The following TTC6 variants were observed in gnomAD, a reference collection of about 807,000 sequenced individuals.
TTC6 encodes tetratricopeptide repeat domain 6.
TTC6 carries 172 observed loss-of-function variants against 210.4 expected under a neutral mutation model. The ratio of observed to expected loss-of-function variants is 0.82; its 90% confidence interval spans 0.72 to 0.93. The LOEUF is 0.93. TTC6 is among the 40% of genes least tolerant of loss of function. TTC6 has a pLI of 0.00. For synonymous variants in TTC6, 804 were observed against 819.6 expected, an observed-to-expected ratio of 0.98 and a Z score of 0.32; for missense variants, 2,414 against 2,318.1, an observed-to-expected ratio of 1.04 and a Z score of -0.85.
intron 10 of TTC6, among the ~76,000 whole-genome samples, chr14:37,746,629 A>G (rs913215900): frequency 1.3e-5 from 2 of 152,156 alleles, no homozygotes; most frequent in African/African-American, 4.8e-5. Context: ...GCCAGCAGCC[A>G]CCAACCCAAG....
rs776563122 is a variant in TTC6, at chr14:37,827,385, A to T, written c.5298+19A>T. ...TTCCCAGGTAATGTGAGTTTTACTTAACGCTTTCTTTTTGACCTGGAATGC... is the reference window on the plus strand; with the variant it reads ...TTCCCAGGTAATGTGAGTTTTACTTTACGCTTTCTTTTTGACCTGGAATGC... On this transcript the variant is annotated intron_variant, in intron 29 of 30. Coordinates refer to ENST00000553443, the Ensembl canonical transcript of TTC6. 6.2e-7 allele frequency: 1 copy of T among 1,608,472 alleles called. No individual in the cohort carries two copies. The highest frequency in any genetic ancestry group is 8.5e-7 in the Non-Finnish European group (1 of 1,176,644).
At chr14:37,637,114 C>G (rs540015358) in intron 1 of TTC6, among the ~76,000 whole-genome samples, 5 of 151,544 alleles carry the variant, frequency 3.3e-5, no homozygotes, top group Admixed American at 1.3e-4. Context: ...CAAACCAAAC[C>G]AAAAAAGAAG....
At chr14:37,696,666 A>C in intron 3 of TTC6, 51 bp from the exon 6 acceptor site, 1 of 876,614 alleles carries the variant, frequency 1.1e-6, no homozygotes, top group Non-Finnish European at 1.6e-6. Context: ...AGAAAGATCT[A>C]ACTCTCATGT....
intron 1 of TTC6, among the ~76,000 whole-genome samples, chr14:37,679,296 GC>G (rs1247224403): frequency 5.3e-5 from 8 of 152,134 alleles, no homozygotes; most frequent in African/African-American, 1.9e-4. Flanking sequence ...AAAATAATGT[GC>G]CTGTTGATGC....
chr14:37,789,614 ATATT>A (rs2096074974), intron 15 of TTC6, among the ~76,000 whole-genome samples: 3 of 147,016 alleles, frequency 2.0e-5, no homozygotes, highest in Admixed American at 1.4e-4. Flanking sequence ...ATATATATAT[ATATT>A]GTATATACTC....
At chr14:37,600,933 A>G (rs917856365) in intron 1 of TTC6, among the ~76,000 whole-genome samples, 2 of 152,252 alleles carry the variant, frequency 1.3e-5, no homozygotes, top group African/African-American at 4.8e-5. Flanking sequence ...GAGCAAAACT[A>G]CTGCTTAGCT....
At chr14:37,773,156 C>A (rs1472267701) in intron 14 of TTC6, among the ~76,000 whole-genome samples, 2 of 152,014 alleles carry the variant, frequency 1.3e-5, no homozygotes, top group Admixed American at 1.3e-4. Context: ...CTTATAGATT[C>A]TGGATATTAG....
At chr14:37,764,100 GTTA>G (rs1029075560) in intron 14 of TTC6, among the ~76,000 whole-genome samples, 1 of 151,726 alleles carries the variant, frequency 6.6e-6, no homozygotes, top group African/African-American at 2.4e-5. Flanking sequence ...ATTTTCTTCT[GTTA>G]TTGTTTTCTA....
At chr14:37,672,064 C>T (rs1222531103) in intron 1 of TTC6, among the ~76,000 whole-genome samples, 1 of 152,088 alleles carries the variant, frequency 6.6e-6, no homozygotes, top group Non-Finnish European at 1.5e-5. Context: ...GACTAATACA[C>T]TCAGTTTGTG....
At chr14:37,631,077 G>T (rs2095669141) in intron 1 of TTC6, among the ~76,000 whole-genome samples, 2 of 151,624 alleles carry the variant, frequency 1.3e-5, no homozygotes, top group Admixed American at 1.3e-4. Flanking sequence ...TTGTCAGTCT[G>T]TGTCTTTTAA....
chr14:37,659,355 G>T (rs2139455313), intron 1 of TTC6, among the ~76,000 whole-genome samples: 1 of 152,166 alleles, frequency 6.6e-6, no homozygotes, highest in Non-Finnish European at 1.5e-5. Flanking sequence ...TTGAGGAATT[G>T]CCACACTGCT....
chr14:37,655,162 C>T (rs1266114874), intron 1 of TTC6, among the ~76,000 whole-genome samples: 1 of 152,134 alleles, frequency 6.6e-6, no homozygotes, highest in East Asian at 1.9e-4. Context: ...GACACAAAGA[C>T]TGGAAAAGCA....
intron 1 of TTC6, among the ~76,000 whole-genome samples, chr14:37,671,698 G>A (rs2095758507): frequency 6.6e-6 from 1 of 152,074 alleles, no homozygotes; most frequent in Non-Finnish European, 1.5e-5. Context: ...TCAGTGATAT[G>A]ATTTGGCTCT....
At chr14:37,794,542 GT>G (rs2096087856) in intron 17 of TTC6, among the ~76,000 whole-genome samples, 1 of 152,124 alleles carries the variant, frequency 6.6e-6, no homozygotes, top group African/African-American at 2.4e-5. Flanking sequence ...TCTGCGACCA[GT>G]ATTAAGGGAA....
At chr14:37,694,714 G>A (rs1364093409) in intron 3 of TTC6, among the ~76,000 whole-genome samples, 1 of 150,988 alleles carries the variant, frequency 6.6e-6, no homozygotes, top group African/African-American at 2.5e-5. Flanking sequence ...AAGAAAATGT[G>A]GTACATACAC....
intron 20 of TTC6, among the ~76,000 whole-genome samples, chr14:37,803,207 G>A (rs1163459844): frequency 6.6e-6 from 1 of 152,056 alleles, no homozygotes; most frequent in Admixed American, 6.6e-5. Flanking sequence ...GATACCTGAT[G>A]TCACCATCAG....
intron 1 of TTC6, among the ~76,000 whole-genome samples, chr14:37,657,418 G>A (rs1338085818): frequency 2.6e-5 from 4 of 151,562 alleles, no homozygotes; most frequent in African/African-American, 4.8e-5. Context: ...CCTGTGCTGC[G>A]TGGGGAACTA....
At chr14:37,712,148 C>T (rs192773753) in intron 5 of TTC6, among the ~76,000 whole-genome samples, 4 of 152,228 alleles carry the variant, frequency 2.6e-5, no homozygotes, top group African/African-American at 9.6e-5. Context: ...TTAGAATGTC[C>T]GATGACCTTC....
At chr14:37,769,564 T>G (rs1304745797) in intron 14 of TTC6, among the ~76,000 whole-genome samples, 3 of 152,250 alleles carry the variant, frequency 2.0e-5, no homozygotes, top group African/African-American at 2.4e-5. Flanking sequence ...TATCCATTTC[T>G]TCTAGATTTT....
Sources: gnomAD v4.1 joint callset for allele counts (sites outside exome capture counted in the v4.1 genomes callset) on GRCh38, gnomAD v4.1.1 for gene constraint, MANE v1.5 for transcripts, NCBI Gene and HGNC (gene_info 2026-07-23, HGNC 2026-07-21) for gene names.